Variants in APP observed in about 807,000 individuals in gnomAD.
APP encodes amyloid beta precursor protein, also known as amyloid-beta precursor protein.
A neutral mutation model predicts 101.4 loss-of-function variants in APP; 31 were observed. The ratio of observed to expected loss-of-function variants is 0.31; its 90% CI spans 0.23 to 0.41. The LOEUF (loss-of-function observed/expected upper bound fraction) is 0.41. Among genes scored for constraint, APP ranks in the 10% least tolerant of loss-of-function variants. The probability of loss-of-function intolerance (pLI) is 1.00; values close to 1 mark genes in which losing one functional copy is unlikely to be tolerated. For missense variants in APP, 839 were observed against 1,003.7 expected, an observed-to-expected ratio of 0.84 and a Z score of 2.22; for synonymous variants, 366 against 364.4, an observed-to-expected ratio of 1.00 and a Z score of -0.05.
intron 9 of APP, among the ~76,000 whole-genome samples, chr21:25,981,150 C>T (rs1393733328): frequency 6.6e-6 from 1 of 152,024 alleles, no homozygotes; most frequent in African/African-American, 2.4e-5. Context: ...ATTCATTTGG[C>T]CCTGGGAGGG....
At chr21:25,884,760 G>T (rs935674780) in intron 17 of APP, among the ~76,000 whole-genome samples, 2 of 152,164 alleles carry the variant, frequency 1.3e-5, no homozygotes, top group Non-Finnish European at 2.9e-5. Context: ...GTAGAAAAAA[G>T]CCACAATGCT....
chr21:26,025,034 A>G (rs2044507107), intron 5 of APP, among the ~76,000 whole-genome samples: 1 of 152,240 alleles, frequency 6.6e-6, no homozygotes. Flanking sequence ...GAAAAGAGAA[A>G]CAGAAAACAC....
intron 8 of APP, among the ~76,000 whole-genome samples, chr21:25,986,480 CG>C (rs1343210495): frequency 6.6e-6 from 1 of 151,906 alleles, no homozygotes; most frequent in African/African-American, 2.4e-5. Flanking sequence ...CCGAGGTGGA[CG>C]GAAGTTTGAG....
At chr21:26,078,000 C>T (rs1043101362) in intron 3 of APP, among the ~76,000 whole-genome samples, 1 of 152,152 alleles carries the variant, frequency 6.6e-6, no homozygotes, top group Non-Finnish European at 1.5e-5. Flanking sequence ...GCCTTTGACA[C>T]TGAAATTAAA....
chr21:26,111,355 A>G (rs2062317908), intron 2 of APP, among the ~76,000 whole-genome samples: 1 of 152,216 alleles, frequency 6.6e-6, no homozygotes, highest in Non-Finnish European at 1.5e-5. Context: ...AATATGTATC[A>G]AGCTGGTAAC....
chr21:26,082,750 T>C (rs1433422817), intron 3 of APP, among the ~76,000 whole-genome samples: 5 of 152,092 alleles, frequency 3.3e-5, no homozygotes, highest in Non-Finnish European at 7.4e-5. Flanking sequence ...TGAAATCCCA[T>C]CCCCTTCAGG....
rs2045920890 is a variant in APP, at chr21:26,053,523, T to C, written c.356-175A>G. On this transcript the variant is annotated intron_variant, in intron 3 of 17. Coordinates refer to ENST00000346798, the MANE Select transcript of APP (RefSeq NM_000484.4). ...GTTACGTCTGGCCTCCTTAAGCAACTCCGTTTCTTGCCACTTCAAGTTTGA... is the reference window on the plus strand; with the variant it reads ...GTTACGTCTGGCCTCCTTAAGCAACCCCGTTTCTTGCCACTTCAAGTTTGA... 4 of 547,878 alleles carry C rather than the reference T, an allele frequency of 7.3e-6. No homozygotes were observed. In the Admixed American group the frequency reaches 1.2e-4, roughly 17 times the overall value. The allele number at this position is 547,878 out of a possible 1,614,324, so 33.9% of individuals were successfully genotyped here.
intron 2 of APP, among the ~76,000 whole-genome samples, chr21:26,101,512 A>G (rs1280964803): frequency 1.3e-5 from 2 of 152,272 alleles, no homozygotes; most frequent in Non-Finnish European, 2.9e-5. Flanking sequence ...TAAAGTGAGG[A>G]TATGGTTTAA....
intron 8 of APP, among the ~76,000 whole-genome samples, chr21:25,994,937 C>T (rs2042996537): frequency 6.6e-6 from 1 of 152,226 alleles, no homozygotes; most frequent in South Asian, 2.1e-4. Flanking sequence ...AAACCCTTCA[C>T]TTGCTGTGAT....
intron 10 of APP, among the ~76,000 whole-genome samples, 198 bp downstream of exon 10, chr21:25,975,756 T>C (rs2042200983): frequency 6.6e-6 from 1 of 152,218 alleles, no homozygotes; most frequent in Non-Finnish European, 1.5e-5. Context: ...CAATGAATTA[T>C]AACTTGAAAT....
intron 9 of APP, among the ~76,000 whole-genome samples, chr21:25,978,386 T>C (rs1224114081): frequency 6.6e-6 from 1 of 152,188 alleles, no homozygotes; most frequent in East Asian, 1.9e-4. Context: ...AAAATCTATC[T>C]AATTTAATTG....
chr21:26,087,981 G>A (rs117146200), intron 3 of APP, among the ~76,000 whole-genome samples: 19 of 151,970 alleles, frequency 1.3e-4, no homozygotes, highest in African/African-American at 4.3e-4. Flanking sequence ...TGTACTGTTC[G>A]TTCACTTGGA....
intron 6 of APP, chr21:26,009,952 T>TA (rs376414718): frequency 0.018 from 2,601 of 148,366 alleles, 28 homozygotes; most frequent in Middle Eastern, 0.029. Flanking sequence ...TGTTCCGGTT[T>TA]AAAAAAAAAA....
intron 2 of APP, among the ~76,000 whole-genome samples, chr21:26,106,580 G>A (rs2062187898): frequency 6.6e-6 from 1 of 151,470 alleles, no homozygotes; most frequent in South Asian, 2.1e-4. Flanking sequence ...TGTACTCTTG[G>A]GCCCAAGCGA....
chr21:26,109,405 C>T (rs1028709531), intron 2 of APP, among the ~76,000 whole-genome samples: 1 of 152,102 alleles, frequency 6.6e-6, no homozygotes, highest in African/African-American at 2.4e-5. Context: ...TGTAGCACCT[C>T]TCCCTTCACA....
intron 1 of APP, among the ~76,000 whole-genome samples, chr21:26,141,046 G>A (rs190719559): frequency 6.6e-6 from 1 of 152,282 alleles, no homozygotes; most frequent in Admixed American, 6.5e-5. Context: ...CTGTAAAATG[G>A]AGTATCTATC....
intron 17 of APP, among the ~76,000 whole-genome samples, chr21:25,882,147 G>A (rs2037030532): frequency 6.6e-6 from 1 of 151,754 alleles, no homozygotes; most frequent in Non-Finnish European, 1.5e-5. Flanking sequence ...GAAGTGTTTT[G>A]GTAAAATAGA....
chr21:26,073,946 T>C (rs2061454320), intron 3 of APP, among the ~76,000 whole-genome samples: 1 of 152,210 alleles, frequency 6.6e-6, no homozygotes, highest in Non-Finnish European at 1.5e-5. Flanking sequence ...TTACAATCAA[T>C]TCTAAGCTTT....
intron 1 of APP, among the ~76,000 whole-genome samples, chr21:26,134,279 C>T (rs577131996): frequency 1.3e-5 from 2 of 152,310 alleles, no homozygotes; most frequent in South Asian, 4.1e-4. Flanking sequence ...GGAGATTACA[C>T]ATCCCACAGG....
Sources: gnomAD v4.1 joint callset for allele counts (sites outside exome capture counted in the v4.1 genomes callset) on GRCh38, gnomAD v4.1.1 for gene constraint, MANE v1.5 for transcripts, NCBI Gene and HGNC (gene_info 2026-07-23, HGNC 2026-07-21) for gene names.